The following LHFPL2 variants were observed in gnomAD, a reference collection of about 807,000 sequenced individuals.
LHFPL2 encodes LHFPL tetraspan subfamily member 2 protein.
A neutral mutation model predicts 17.5 loss-of-function variants in LHFPL2; 7 were observed. That is an observed-to-expected ratio of 0.40 (90% CI 0.23 to 0.75). The LOEUF (loss-of-function observed/expected upper bound fraction) is 0.75. Ranked by LOEUF, LHFPL2 falls within the 30% of genes least tolerant of loss-of-function variation. The pLI is 0.37. For synonymous variants in LHFPL2, 134 were observed against 116.2 expected (o/e 1.15, Z -0.99); for missense variants, 241 against 294.8 (o/e 0.82, Z 1.34).
At chr5:78,540,387 T>C (rs1756075001) in intron 3 of LHFPL2, among the ~76,000 whole-genome samples, 1 of 152,250 alleles carries the variant, frequency 6.6e-6, no homozygotes, top group East Asian at 1.9e-4. Flanking sequence ...AAACATGATG[T>C]ATCTTTCCAA....
At chr5:78,613,547 T>C (rs1323435943) in intron 2 of LHFPL2, among the ~76,000 whole-genome samples, 1 of 149,718 alleles carries the variant, frequency 6.7e-6, no homozygotes, top group Non-Finnish European at 1.5e-5. Context: ...GAAGATTAAA[T>C]GTATTAATGA....
chr5:78,490,013 T>C (rs918682225), intron 4 of LHFPL2, among the ~76,000 whole-genome samples: 1 of 152,232 alleles, frequency 6.6e-6, no homozygotes, highest in Non-Finnish European at 1.5e-5. Flanking sequence ...ACCTGATTGT[T>C]AGTGCTTTAA....
chr5:78,512,855 C>T (rs1755179166), intron 3 of LHFPL2, among the ~76,000 whole-genome samples: 1 of 151,386 alleles, frequency 6.6e-6, no homozygotes, highest in Admixed American at 6.6e-5. Flanking sequence ...ACCTCTCTGC[C>T]TCCCCTCTCC....
chr5:78,524,520 T>G (rs1238888580), intron 3 of LHFPL2, among the ~76,000 whole-genome samples: 1 of 152,118 alleles, frequency 6.6e-6, no homozygotes, highest in Non-Finnish European at 1.5e-5. Context: ...GGCAGGCGGA[T>G]CACTTGAGCC....
chr5:78,596,251 T>G (rs1743822988), intron 2 of LHFPL2, among the ~76,000 whole-genome samples: 1 of 152,204 alleles, frequency 6.6e-6, no homozygotes, highest in Non-Finnish European at 1.5e-5. Context: ...TTACAAGAAC[T>G]TCTCAAGAAA....
At chr5:78,614,776 A>G (rs1744542176) in intron 2 of LHFPL2, among the ~76,000 whole-genome samples, 1 of 152,244 alleles carries the variant, frequency 6.6e-6, no homozygotes, top group Non-Finnish European at 1.5e-5. Flanking sequence ...AGAAGTAACT[A>G]CTGAACACTT....
chr5:78,503,110 GC>G lies in LHFPL2; in HGVS notation c.430+6673del, dbSNP rs149352012. Among the ~76,000 whole-genome samples the G allele has an allele frequency of 6.7e-3, 1,022 of 152,286 alleles. 13 individuals carry two copies. Among genetic ancestry groups the G allele is most frequent in the African/African-American group, 0.023 (972 of 41,548 alleles). ...TGTAGGACAGTTCTTCATAGAAGAT[GC>G]AGATTATTTTTGAAGTGGCTTTATA... On this transcript the variant is annotated intron_variant, in intron 4 of 4. Coordinates refer to ENST00000380345, the MANE Select transcript of LHFPL2 (RefSeq NM_005779.3).
chr5:78,587,613 T>C (rs906887633), intron 2 of LHFPL2, among the ~76,000 whole-genome samples: 20 of 152,224 alleles, frequency 1.3e-4, no homozygotes, highest in African/African-American at 3.4e-4. Context: ...TCTCTGACAA[T>C]TGTTTGCAAA....
At chr5:78,532,348 T>C (rs567480109) in intron 3 of LHFPL2, among the ~76,000 whole-genome samples, 53 of 152,282 alleles carry the variant, frequency 3.5e-4, no homozygotes, top group Non-Finnish European at 6.5e-4. Context: ...ACATGAGCCA[T>C]TGCACCTAAC....
intron 2 of LHFPL2, among the ~76,000 whole-genome samples, chr5:78,580,545 G>C (rs1337723744): frequency 6.7e-6 from 1 of 149,654 alleles, no homozygotes; most frequent in Admixed American, 6.7e-5. Flanking sequence ...AAGGGATCCA[G>C]TTTCAGCTTT....
At chr5:78,532,049 T>C (rs1407181250) in intron 3 of LHFPL2, among the ~76,000 whole-genome samples, 3 of 151,948 alleles carry the variant, frequency 2.0e-5, no homozygotes, top group Non-Finnish European at 4.4e-5. Context: ...CTCAGCCTCC[T>C]GAGTAACTGG....
chr5:78,541,162 A>G (rs1164949034), intron 3 of LHFPL2, among the ~76,000 whole-genome samples: 1 of 152,102 alleles, frequency 6.6e-6, no homozygotes, highest in Non-Finnish European at 1.5e-5. Flanking sequence ...CCAGCCATCC[A>G]TCACCGCCAC....
intron 1 of LHFPL2, among the ~76,000 whole-genome samples, chr5:78,639,143 C>A (rs1299749710): frequency 6.6e-6 from 1 of 152,096 alleles, no homozygotes; most frequent in African/African-American, 2.4e-5. Flanking sequence ...CAGGTGTACA[C>A]ACAAACTCTC....
intron 2 of LHFPL2, among the ~76,000 whole-genome samples, chr5:78,630,482 A>T (rs1328246724): frequency 6.6e-6 from 1 of 152,144 alleles, no homozygotes; most frequent in South Asian, 2.1e-4. Context: ...GAGACTAGAC[A>T]TTCTTGGGCA....
At chr5:78,556,962 CT>C (rs58215965) in intron 3 of LHFPL2, among the ~76,000 whole-genome samples, 36,043 of 146,526 alleles carry the variant, frequency 0.25, 4,360 homozygotes, top group Admixed American at 0.33. Context: ...TCTGGCAATC[CT>C]TTTTTTTTTT....
chr5:78,573,862 G>C (rs1757063791), intron 2 of LHFPL2, among the ~76,000 whole-genome samples: 2 of 152,198 alleles, frequency 1.3e-5, no homozygotes, highest in Non-Finnish European at 2.9e-5. Context: ...TTTGTGCATA[G>C]ATTAAGAAGT....
At chr5:78,535,727 G>A (rs1332585039) in intron 3 of LHFPL2, among the ~76,000 whole-genome samples, 2 of 152,148 alleles carry the variant, frequency 1.3e-5, no homozygotes, top group African/African-American at 4.8e-5. Context: ...ATCTAGCCCC[G>A]ACACTGCCGC....
chr5:78,615,655 C>A (rs528614435), intron 2 of LHFPL2, among the ~76,000 whole-genome samples: 1 of 152,262 alleles, frequency 6.6e-6, no homozygotes, highest in African/African-American at 2.4e-5. Context: ...CTTATTCAGC[C>A]TAATCTAAAA....
intron 4 of LHFPL2, among the ~76,000 whole-genome samples, chr5:78,504,426 C>A (rs1459548097): frequency 6.6e-6 from 1 of 152,150 alleles, no homozygotes. Context: ...CAGTGGCTGA[C>A]CTTGTCTTTT....
Sources: allele counts gnomAD v4.1 joint callset (sites outside exome capture counted in the v4.1 genomes callset), GRCh38; gene constraint gnomAD v4.1.1; transcripts MANE v1.5; gene names NCBI Gene and HGNC (gene_info 2026-07-23, HGNC 2026-07-21).